Variants in GABRB3 observed in about 807,000 individuals in gnomAD.
GABRB3 encodes the protein gamma-aminobutyric acid type A receptor subunit beta3, also known as gamma-aminobutyric acid receptor subunit beta-3.
A neutral mutation model predicts 52.1 loss-of-function variants in GABRB3; 14 were observed. That is an observed-to-expected ratio of 0.27 (90% CI 0.18 to 0.42). GABRB3 has a LOEUF of 0.42. Among genes scored for constraint, GABRB3 ranks in the 10% least tolerant of loss-of-function variants. GABRB3 has a pLI of 1.00. For missense variants in GABRB3, 307 were observed against 609.1 expected, an observed-to-expected ratio of 0.50 and a Z score of 5.22; for synonymous variants, 260 against 232.3, an observed-to-expected ratio of 1.12 and a Z score of -1.08.
At chr15:26,688,211 C>A (rs950625554) in intron 3 of GABRB3, among the ~76,000 whole-genome samples, 3 of 152,142 alleles carry the variant, frequency 2.0e-5, no homozygotes, top group South Asian at 2.1e-4. Context: ...ACTGGATGGA[C>A]GACTGTGCTG....
chr15:26,574,029 C>G (rs191766157), intron 6 of GABRB3, among the ~76,000 whole-genome samples: 2 of 152,054 alleles, frequency 1.3e-5, no homozygotes, highest in South Asian at 4.1e-4. Flanking sequence ...CCAGCCCGGG[C>G]GACAGACTAA....
rs148859941 is a variant in GABRB3, at chr15:26,583,048, A to C, written c.544+284T>G. On this transcript the variant is annotated intron_variant, in intron 5 of 8. Transcript: ENST00000311550. ...ACTCATGAGTGATGAAGCATATTGT[A>C]GGAAAATAGCATCTCGGTGTTTGCT... 9.2e-5 allele frequency among the ~76,000 whole-genome samples: 14 copies of C among 152,296 alleles called. No homozygotes were observed. In the East Asian group the frequency reaches 2.7e-3, roughly 29 times the overall value.
chr15:26,724,841 C>G (rs80099756), intron 3 of GABRB3, among the ~76,000 whole-genome samples: 8 of 152,194 alleles, frequency 5.3e-5, no homozygotes, highest in South Asian at 4.1e-4. Context: ...TTTGCCCCCC[C>G]TCAAAGTATC....
intron 3 of GABRB3, among the ~76,000 whole-genome samples, chr15:26,643,363 A>G (rs1893262573): frequency 6.6e-6 from 1 of 152,192 alleles, no homozygotes. Flanking sequence ...GCCCTCAGAG[A>G]TGGCACAGCC....
intron 3 of GABRB3, among the ~76,000 whole-genome samples, chr15:26,651,597 C>A (rs1887199421): frequency 6.6e-6 from 1 of 152,172 alleles, no homozygotes; most frequent in African/African-American, 2.4e-5. Context: ...GGAAATAATT[C>A]TTATACATGG....
In GABRB3 at chr15:26,621,685, G is replaced by A. The variant is rs1322284831; in HGVS notation, c.241-151C>T. 3 of 654,202 alleles carry A rather than the reference G, an allele frequency of 4.6e-6. No homozygotes were observed. Among genetic ancestry groups the A allele is most frequent in the Non-Finnish European group, 8.0e-6 (3 of 373,758 alleles). The allele number at this position is 654,202 out of a possible 1,614,324, so 40.5% of individuals were successfully genotyped here. On this transcript the variant is annotated intron_variant, in intron 3 of 8. Transcript: ENST00000311550. The surrounding 1 kb of genome is among the most constrained non-coding windows in gnomAD (Gnocchi z 4.1). ...TTTTTATGCAGAATGGGAAGCAATGGCTGCTTTCTTGTGAATGCAAATACC... is the reference window on the plus strand; with the variant it reads ...TTTTTATGCAGAATGGGAAGCAATGACTGCTTTCTTGTGAATGCAAATACC...
At position 26,551,979 on chromosome 15, in the gene GABRB3, T is replaced by G. The variant is rs77264584; in HGVS notation, c.1081-3845A>C. 1.6e-3 allele frequency among the ~76,000 whole-genome samples: 245 copies of G among 151,706 alleles called. 5 individuals are homozygous for G. In the East Asian group the frequency reaches 0.031, roughly 19 times the overall value. On this transcript the variant is annotated intron_variant, in intron 8 of 8. Coordinates refer to ENST00000311550, the MANE Select transcript of GABRB3 (RefSeq NM_000814.6). ...ATGGAGCTTGTATCTCAAAAGCACCTGGAATGTCAGACCTTGGTGAAATTT... is the reference window on the plus strand; with the variant it reads ...ATGGAGCTTGTATCTCAAAAGCACCGGGAATGTCAGACCTTGGTGAAATTT...
chr15:26,764,174 AAAAAAATATATATATATATATATAT>A (rs1890919353), intron 3 of GABRB3, among the ~76,000 whole-genome samples: 2 of 13,058 alleles, frequency 1.5e-4, no homozygotes, highest in African/African-American at 4.7e-4. Flanking sequence ...AAAAAAAAAA[AAAAAAATATATATATATATATATAT>A]ATATATATAT....
At position 26,773,025 on chromosome 15, in the gene GABRB3, G is replaced by C. The variant is rs1288294624; in HGVS notation, c.-63C>G. ...CGCCGCCGTCGCGACCCGCAGCCGG[G>C]GCTGCTCCTGCTGCTGCCGCCGCCG... is the stretch of plus-strand genomic sequence containing the variant. On this transcript the variant is annotated 5_prime_UTR_variant, in exon 1 of 9. Coordinates refer to ENST00000311550, the MANE Select transcript of GABRB3 (RefSeq NM_000814.6). The C allele has an allele frequency of 7.1e-6, 8 of 1,134,186 alleles. No individual in the cohort carries two copies. Among genetic ancestry groups the C allele is most frequent in the Non-Finnish European group, 8.5e-6 (8 of 941,294 alleles). 70.3% of individuals were successfully genotyped at this position (1,134,186 alleles called of 1,614,324 possible).
chr15:26,576,328 G>A (rs1444037714), intron 6 of GABRB3, among the ~76,000 whole-genome samples: 1 of 151,986 alleles, frequency 6.6e-6, no homozygotes. Flanking sequence ...TCTTTATAAT[G>A]TTTTCAGAAA....
At chr15:26,654,067 A>C (rs1294515582) in intron 3 of GABRB3, among the ~76,000 whole-genome samples, 2 of 152,254 alleles carry the variant, frequency 1.3e-5, no homozygotes, top group Non-Finnish European at 2.9e-5. Context: ...TATTTCTTGC[A>C]ATCTACAGAA....
At chr15:26,570,761 C>A (rs1425551392) in intron 6 of GABRB3, among the ~76,000 whole-genome samples, 1 of 152,138 alleles carries the variant, frequency 6.6e-6, no homozygotes, top group Non-Finnish European at 1.5e-5. Context: ...TTCCATGAAT[C>A]CTTTCTTTTT....
At chr15:26,638,904 G>A (rs571696305) in intron 3 of GABRB3, among the ~76,000 whole-genome samples, 15 of 152,250 alleles carry the variant, frequency 9.9e-5, no homozygotes, top group Non-Finnish European at 1.8e-4. Flanking sequence ...ACCACGCTCC[G>A]CCGGGAACTA....
intron 3 of GABRB3, among the ~76,000 whole-genome samples, chr15:26,714,954 G>A (rs1245015080): frequency 6.6e-6 from 1 of 152,132 alleles, no homozygotes; most frequent in Non-Finnish European, 1.5e-5. Flanking sequence ...GCTGCCTCAA[G>A]GGGAGATAAA....
At chr15:26,553,791 C>T (rs1018506025) in intron 8 of GABRB3, among the ~76,000 whole-genome samples, 33 of 151,824 alleles carry the variant, frequency 2.2e-4, no homozygotes, top group African/African-American at 7.3e-4. Flanking sequence ...AAGGTCCTCA[C>T]CCTCAAGGGG....
chr15:26,643,251 C>A (rs1424204073), intron 3 of GABRB3, among the ~76,000 whole-genome samples: 2 of 152,204 alleles, frequency 1.3e-5, no homozygotes, highest in Admixed American at 6.5e-5. Flanking sequence ...CCCGTGCCCC[C>A]ATCCTGGCGG....
At chr15:26,556,216 G>A (rs953212908) in intron 8 of GABRB3, among the ~76,000 whole-genome samples, 5 of 152,148 alleles carry the variant, frequency 3.3e-5, no homozygotes, top group African/African-American at 1.2e-4. Flanking sequence ...CTTGACAGGT[G>A]CAAACATTCA....
intron 3 of GABRB3, among the ~76,000 whole-genome samples, chr15:26,734,762 A>C (rs147495692): frequency 9.1e-4 from 139 of 152,046 alleles, no homozygotes; most frequent in African/African-American, 3.3e-3. Context: ...ACACAGCAAG[A>C]CCCCATCTCT....
At chr15:26,564,114 T>C (rs575403048) in intron 7 of GABRB3, among the ~76,000 whole-genome samples, 3 of 152,150 alleles carry the variant, frequency 2.0e-5, no homozygotes, top group South Asian at 4.2e-4. Context: ...AGCACCTCCA[T>C]GGTGCTCAAA....
Sources: gnomAD v4.1 joint callset for allele counts (sites outside exome capture counted in the v4.1 genomes callset) on GRCh38, gnomAD v4.1.1 for gene constraint, Gnocchi (gnomAD v3.1) non-coding constraint, MANE v1.5 for transcripts, NCBI Gene and HGNC (gene_info 2026-07-23, HGNC 2026-07-21) for gene names.